GOLGA8M: variants seen among roughly 807,000 people sequenced by gnomAD.
The protein encoded by GOLGA8M is golgin subfamily A member 8M.
In GOLGA8M, 34 loss-of-function variants were observed where a neutral mutation model predicts 87.7. The observed-to-expected ratio is 0.39, with a 90% CI of 0.29 to 0.52. GOLGA8M has a LOEUF of 0.52. Ranked by LOEUF, GOLGA8M falls within the 20% of genes least tolerant of loss-of-function variation. The probability of loss-of-function intolerance (pLI) is 0.80; values close to 1 mark genes in which losing one functional copy is unlikely to be tolerated. For synonymous variants in GOLGA8M, 138 were observed against 250.2 expected (o/e 0.55, Z 4.23); for missense variants, 396 against 682.2 (o/e 0.58, Z 4.67).
upstream of GOLGA8M, among the ~76,000 whole-genome samples, chr15:28,713,038 G>A (rs1200841705): frequency 1.3e-5 from 2 of 151,052 alleles, no homozygotes; most frequent in Non-Finnish European, 2.9e-5. Flanking sequence ...TCTAATATCT[G>A]TAAAAACACA....
chr15:28,705,763 G>A (rs753682018), intron 11 of GOLGA8M, 24 bp from the exon 12 acceptor site: 2 of 1,557,010 alleles, frequency 1.3e-6, no homozygotes, highest in South Asian at 1.1e-5. Flanking sequence ...CAGACAATAA[G>A]GGCCTCTGGA....
At position 28,705,174 on chromosome 15, in the gene GOLGA8M, C is replaced by A. The variant is rs566946208; in HGVS notation, c.1185G>T (p.Gln395His). 1 of 1,598,478 alleles carries A rather than the reference C, an allele frequency of 6.3e-7. No homozygotes were observed. Among genetic ancestry groups the A allele is most frequent in the South Asian group, 1.1e-5 (1 of 91,020 alleles). ...LQLEQQVKELQEKLGEEHLEA... is the reference protein window; with the variant it reads ...LQLEQQVKELHEKLGEEHLEA... Reference sequence around the variant, plus strand: ...ACTCCTTCACCTCGCCAAGCTTCTCCTGTAGCTCCTTTACTTGCTGCTCCA... The same window carrying A: ...ACTCCTTCACCTCGCCAAGCTTCTCATGTAGCTCCTTTACTTGCTGCTCCA... The change falls in exon 13 of 19, where the codon CAG becomes CAT. Residue 395 changes from glutamine to histidine, a missense_variant. Physicochemically the swap from Gln to His is conservative, Grantham distance 24. Coordinates refer to ENST00000563027, the MANE Select transcript of GOLGA8M (RefSeq NM_001282468.3).
At chr15:28,704,901 T>C (rs1328664645) in intron 13 of GOLGA8M, 5 of 868,604 alleles carry the variant, frequency 5.8e-6, no homozygotes, top group African/African-American at 5.4e-5. Context: ...GAGCCTGTTA[T>C]AGCACTGTCT....
rs563271959 is a variant in GOLGA8M, at chr15:28,703,900, G to C, written c.1218C>G (p.Ala406=). The C allele has an allele frequency of 2.8e-4, 436 of 1,579,430 alleles. 15 individuals are homozygous for C. The South Asian group carries it at 3.6e-3, about 13-fold the overall frequency. ...EKLGEEHLEA[A]SQQNQQLTAQ... ...CCGTTAGCTGCTGGTTCTGCTGGCT[G>C]GCAGCTTCCAGGTGCTCCTAAGGGG... The change falls in exon 14 of 19, where the codon GCC becomes GCG. Residue 406 remains alanine, a synonymous_variant. Transcript: ENST00000563027.
rs561009278 is a variant in GOLGA8M at position 28,702,746 on chromosome 15, C to G, written c.1369-1G>C. 1.1e-5 allele frequency: 18 copies of G among 1,599,984 alleles called. 1 individual carries two copies. The Admixed American group carries it at 2.8e-4, about 25-fold the overall frequency. On this transcript the variant is annotated splice_acceptor_variant, in intron 15 of 18. Transcript: ENST00000563027. LOFTEE classifies it high-confidence loss of function. ...CCTCCAGGTGGTCCATAAAGCTGCT[C>G]TGGAGCCAAAATATTGCAGTCACAT...
In GOLGA8M at chr15:28,702,206, G is replaced by A. The variant is rs879111009; in HGVS notation, c.1723+8C>T. On this transcript the variant is annotated splice_region_variant and intron_variant, in intron 18 of 18. Coordinates refer to ENST00000563027, the MANE Select transcript of GOLGA8M (RefSeq NM_001282468.3). ...TGCCTGCCCACACCACCTGAGGGCT[G>A]TACTCACCACCATGCTTGTCTGCAG... 2 of 1,579,048 alleles carry A rather than the reference G, an allele frequency of 1.3e-6. No individual in the cohort carries two copies. Among genetic ancestry groups the A allele is most frequent in the Non-Finnish European group, 8.6e-7 (1 of 1,166,250 alleles).
chr15:28,702,284 G>T lies in GOLGA8M; in HGVS notation c.1653C>A (p.His551Gln), dbSNP rs1429423249. 12 of 1,547,792 alleles carry T rather than the reference G, an allele frequency of 7.8e-6. No individual in the cohort carries two copies. Among genetic ancestry groups the T allele is most frequent in the Non-Finnish European group, 8.6e-6 (10 of 1,157,136 alleles). The change falls in exon 18 of 19, where the codon CAC becomes CAA. Residue 551 changes from histidine to glutamine, a missense_variant. Coordinates refer to ENST00000563027, the MANE Select transcript of GOLGA8M (RefSeq NM_001282468.3). The stretch of plus-strand genomic sequence containing the variant: ...CTGGACCGGGCTCATCAGCAGAGTT[G>T]TGGGCAGCGGCCAGGAATTTTCTGT... Reference protein sequence around the residue: ...NGHRKFLAAAHNSADEPGPGA... With the variant: ...NGHRKFLAAAQNSADEPGPGA...
chr15:28,706,254 G>C (rs1444876415), intron 10 of GOLGA8M, 51 bp from the exon 11 acceptor site: 1 of 1,065,862 alleles, frequency 9.4e-7, no homozygotes, highest in Middle Eastern at 2.9e-4. Context: ...CTGGAGGCTG[G>C]ACAGGCTGCC....
intron 13 of GOLGA8M, among the ~76,000 whole-genome samples, chr15:28,704,814 C>T (rs541786361): frequency 0.021 from 3,044 of 145,460 alleles, 180 homozygotes; most frequent in African/African-American, 0.076. Flanking sequence ...CTCAAACTCC[C>T]GACCTCAAGT....
In GOLGA8M at chr15:28,704,885, C is replaced by T. The variant is rs189321697; in HGVS notation, c.1200+274G>A. ...TATAGGCATGAGCCACTGCACCTGG[C>T]ATAAGGAGCCTGTTATAGCACTGTC... On this transcript the variant is annotated intron_variant, in intron 13 of 18. Coordinates refer to ENST00000563027, the MANE Select transcript of GOLGA8M (RefSeq NM_001282468.3). 3,836 of 720,658 alleles carry T rather than the reference C, an allele frequency of 5.3e-3. 190 individuals are homozygous for T. In the African/African-American group the frequency reaches 0.066, roughly 12 times the overall value. The allele number at this position is 720,658 out of a possible 1,614,324, so 44.6% of individuals were successfully genotyped here.
At position 28,707,990 on chromosome 15, in the gene GOLGA8M, G is replaced by A. The variant is rs759611650; in HGVS notation, c.444C>T (p.Asp148=). 2.8e-5 allele frequency: 45 copies of A among 1,596,514 alleles called. 3 individuals carry two copies. The highest frequency in any genetic ancestry group is 3.7e-5 in the Non-Finnish European group (44 of 1,178,276). The stretch of plus-strand genomic sequence containing the variant: ...TGAGAGAACGTTTCATGTGGTACAG[G>A]TCCGTATTTAGTTCCTCTTTCTGTA... ...LNIQKEELNT[D]LYHMKRSLRY... The change falls in exon 7 of 19, where the codon GAC becomes GAT. Residue 148 remains aspartate, a synonymous_variant. Coordinates refer to ENST00000563027, the MANE Select transcript of GOLGA8M (RefSeq NM_001282468.3).
Position 28,702,960 on chromosome 15 carries a change from C to T in GOLGA8M, c.1369-215G>A, listed in dbSNP as rs538963498. 2.2e-4 allele frequency: 212 copies of T among 974,910 alleles called. 14 individuals carry two copies. The African/African-American group carries it at 3.6e-3, about 17-fold the overall frequency. 60.4% of individuals were successfully genotyped at this position (974,910 alleles called of 1,614,324 possible). On this transcript the variant is annotated intron_variant, in intron 15 of 18. Transcript: ENST00000563027. ...CTGGCTCCTTCTGGGCCGAGGCCAC[C>T]GGGTGAGCCAGGCGCTGGCAGCCAC... is the stretch of plus-strand genomic sequence containing the variant.
rs1168856965 is a variant in GOLGA8M, at chr15:28,700,837, A to G, written c.*1117T>C. On this transcript the variant is annotated 3_prime_UTR_variant, in exon 19 of 19. Coordinates refer to ENST00000563027, the MANE Select transcript of GOLGA8M (RefSeq NM_001282468.3). ...TTCAAGCCTCAAAGAATACGTGAAC[A>G]GAGAGGAATGCCAGGTGTCACACAG... is the stretch of plus-strand genomic sequence containing the variant. 6.6e-6 allele frequency among the ~76,000 whole-genome samples: 1 copy of G among 151,940 alleles called. No individual in the cohort carries two copies. The highest frequency in any genetic ancestry group is 1.9e-4 in the East Asian group (1 of 5,192).
At chr15:28,711,913 C>T (rs2080206700) in intron 1 of GOLGA8M, 14 of 984,936 alleles carry the variant, frequency 1.4e-5, no homozygotes, top group Non-Finnish European at 1.7e-5. Context: ...CCAGGAGTCA[C>T]CAGCCCAAAG....
upstream of GOLGA8M, among the ~76,000 whole-genome samples, chr15:28,712,841 C>G (rs972938909): frequency 1.1e-4 from 16 of 152,294 alleles, no homozygotes; most frequent in Admixed American, 9.2e-4. Context: ...CCAGTATTAT[C>G]TTAACTGAGA....
rs1232333260 is a variant in GOLGA8M, at chr15:28,705,195, C to T, written c.1164G>A (p.Glu388=). ...NNENKSTLQL[E]QQVKELQEKL... is the part of the protein sequence containing the mutation. ...TCTCCTGTAGCTCCTTTACTTGCTGCTCCAACTGCAGTGTGCTCTTGTTCT... is the reference window on the plus strand; with the variant it reads ...TCTCCTGTAGCTCCTTTACTTGCTGTTCCAACTGCAGTGTGCTCTTGTTCT... Residue 388 remains glutamate, a synonymous_variant, in exon 13 of 19, where the codon GAG becomes GAA. Transcript: ENST00000563027. 6 of 1,598,230 alleles carry T rather than the reference C, an allele frequency of 3.8e-6. No homozygotes were observed. Among genetic ancestry groups the T allele is most frequent in the African/African-American group, 2.7e-5 (2 of 74,864 alleles).
intron 7 of GOLGA8M, 42 bp from the exon 8 acceptor site, chr15:28,707,899 TG>T (rs1203281490): frequency 6.3e-7 from 1 of 1,577,836 alleles, no homozygotes; most frequent in Non-Finnish European, 8.5e-7. Context: ...GGACTCCCCC[TG>T]AAGACCTGTC....
chr15:28,702,033 T>C lies in GOLGA8M; in HGVS notation c.1820A>G (p.His607Arg), dbSNP rs2079799743. Reference protein sequence around the residue: ...KPTAQPIVQDHQEHPGLGSNC... With the variant: ...KPTAQPIVQDRQEHPGLGSNC... ...GCTGCCCAAGCCTGGGTGCTCCTGGTGGTCCTGCACGATCGGCTGTGCAGT... is the reference window on the plus strand; with the variant it reads ...GCTGCCCAAGCCTGGGTGCTCCTGGCGGTCCTGCACGATCGGCTGTGCAGT... Residue 607 changes from histidine to arginine, a missense_variant, in exon 19 of 19, where the codon CAC becomes CGC. His to Arg is a conservative substitution (Grantham distance 29, BLOSUM62 0). This residue lies in a region of GOLGA8M where 35 missense variants were observed against 61.4 expected (regional missense o/e 0.57). Coordinates refer to ENST00000563027, the MANE Select transcript of GOLGA8M (RefSeq NM_001282468.3). The C allele has an allele frequency of 6.3e-7, 1 of 1,597,098 alleles. No individual in the cohort carries two copies. Among genetic ancestry groups the C allele is most frequent in the Non-Finnish European group, 8.5e-7 (1 of 1,179,608 alleles).
chr15:28,702,786 G>C, intron 15 of GOLGA8M, 41 bp from the exon 16 acceptor site: 1 of 1,589,192 alleles, frequency 6.3e-7, no homozygotes, highest in South Asian at 1.1e-5. Context: ...GCAGCGACCT[G>C]CCCTCAGGTG....
Sources: gnomAD v4.1 joint callset for allele counts (sites outside exome capture counted in the v4.1 genomes callset) on GRCh38, gnomAD v4.1.1 for gene constraint, gnomAD v4.1.1 regional missense constraint, MANE v1.5 for transcripts, NCBI Gene and HGNC (gene_info 2026-07-23, HGNC 2026-07-21) for gene names.